Variants in GRID2 observed in about 807,000 individuals in gnomAD.
GRID2 encodes the protein glutamate ionotropic receptor delta type subunit 2, also known as glutamate receptor ionotropic, delta-2.
In GRID2, 33 loss-of-function variants were observed where a neutral mutation model predicts 114.8. The ratio of observed to expected loss-of-function variants is 0.29; its 90% CI spans 0.22 to 0.38. The LOEUF (loss-of-function observed/expected upper bound fraction) is 0.38. Among genes scored for constraint, GRID2 ranks in the 10% least tolerant of loss-of-function variants. GRID2 has a pLI of 1.00. For synonymous variants in GRID2, 505 were observed against 449.9 expected (o/e 1.12, Z -1.55); for missense variants, 1,184 against 1,257.7 (o/e 0.94, Z 0.89).
intron 2 of GRID2, among the ~76,000 whole-genome samples, chr4:92,729,294 C>A (rs1409039356): frequency 6.6e-6 from 1 of 152,016 alleles, no homozygotes; most frequent in East Asian, 1.9e-4. Context: ...GACATCTACT[C>A]CACTTGTGTC....
In GRID2 at chr4:92,982,902, A is replaced by T. The variant is rs182382324; in HGVS notation, c.245-102093A>T. ...CCGTTCTCATTAACCTTTAGAGGAT[A>T]CATAAATTATACTATATATCCTATT... On this transcript the variant is annotated intron_variant, in intron 2 of 15. Transcript: ENST00000282020. Among the ~76,000 whole-genome samples, 31 of 152,244 alleles carry T rather than the reference A, an allele frequency of 2.0e-4. 1 individual carries two copies. In the East Asian group the frequency reaches 4.3e-3, roughly 21 times the overall value.
chr4:93,031,004 C>A (rs1724368870), intron 2 of GRID2, among the ~76,000 whole-genome samples: 1 of 150,982 alleles, frequency 6.6e-6, no homozygotes, highest in Non-Finnish European at 1.5e-5. Flanking sequence ...AAATCCTGCA[C>A]CCAATTGCTT....
chr4:93,387,727 G>A (rs1442624551), intron 8 of GRID2, among the ~76,000 whole-genome samples: 1 of 151,764 alleles, frequency 6.6e-6, no homozygotes, highest in South Asian at 2.1e-4. Context: ...CTACTCGGCA[G>A]GCTGAGGCAA....
rs1578971942 is a variant in GRID2 at position 93,095,108 on chromosome 4, C to CT, written c.529+9830dup. Among the ~76,000 whole-genome samples, 3 of 151,950 alleles carry CT rather than the reference C, an allele frequency of 2.0e-5. No individual in the cohort carries two copies. In the East Asian group the frequency reaches 5.8e-4, roughly 29 times the overall value. On this transcript the variant is annotated intron_variant, in intron 3 of 15. Transcript: ENST00000282020. ...TTTTAGGAAATATTTTGATAAAACA[C>CT]TAGCAAGACCATTTTTAATTTTTTT...
At chr4:93,391,724 G>C (rs545741839) in intron 8 of GRID2, among the ~76,000 whole-genome samples, 1 of 152,182 alleles carries the variant, frequency 6.6e-6, no homozygotes, top group African/African-American at 2.4e-5. Context: ...ACAGCCCATG[G>C]CAAATAAGAA....
At chr4:92,385,279 ATGAC>A (rs1215463284) in intron 1 of GRID2, among the ~76,000 whole-genome samples, 4 of 151,838 alleles carry the variant, frequency 2.6e-5, no homozygotes, top group Non-Finnish European at 4.4e-5. Flanking sequence ...ACATGACTAT[ATGAC>A]TGAATTGATG....
chr4:92,985,284 C>A (rs988189310), intron 2 of GRID2, among the ~76,000 whole-genome samples: 2 of 149,194 alleles, frequency 1.3e-5, no homozygotes, highest in African/African-American at 5.0e-5. Context: ...ACTGCAGTGG[C>A]GCGATCTCAG....
chr4:92,694,802 CAG>C (rs1715004755), intron 2 of GRID2, among the ~76,000 whole-genome samples: 1 of 152,130 alleles, frequency 6.6e-6, no homozygotes, highest in Non-Finnish European at 1.5e-5. Flanking sequence ...TGAGGTTCCT[CAG>C]ATGTATTTCA....
intron 6 of GRID2, 60 bp from the exon 7 acceptor site, chr4:93,224,554 T>C: frequency 2.8e-6 from 3 of 1,085,560 alleles, no homozygotes; most frequent in Admixed American, 1.9e-5. Flanking sequence ...TTATTTTTTT[T>C]CCTTATTCCT....
At chr4:92,735,652 T>C (rs1040727503) in intron 2 of GRID2, among the ~76,000 whole-genome samples, 1 of 152,168 alleles carries the variant, frequency 6.6e-6, no homozygotes, top group African/African-American at 2.4e-5. Flanking sequence ...TTCCAGCTGA[T>C]GTAAGTGCTA....
chr4:92,308,722 T>C (rs1725544227), intron 1 of GRID2, among the ~76,000 whole-genome samples: 1 of 152,056 alleles, frequency 6.6e-6, no homozygotes, highest in African/African-American at 2.4e-5. Flanking sequence ...TCCCAGAAGA[T>C]GTGCTGTTCT....
intron 2 of GRID2, among the ~76,000 whole-genome samples, chr4:92,674,516 T>C (rs199620785): frequency 6.6e-6 from 1 of 152,108 alleles, no homozygotes; most frequent in East Asian, 1.9e-4. Flanking sequence ...CCCATTTGTT[T>C]ATTTATTATT....
intron 4 of GRID2, among the ~76,000 whole-genome samples, chr4:93,155,923 T>C (rs1238358551): frequency 6.6e-6 from 1 of 151,572 alleles, no homozygotes. Flanking sequence ...ACAGGGTGAA[T>C]ATGGCCAGCA....
chr4:93,328,344 C>T (rs1481344405), intron 8 of GRID2, among the ~76,000 whole-genome samples: 2 of 152,120 alleles, frequency 1.3e-5, no homozygotes, highest in Non-Finnish European at 2.9e-5. Flanking sequence ...TCTAGCTGCA[C>T]TGACATTATT....
At chr4:93,708,808 T>C (rs1728229975) in intron 14 of GRID2, among the ~76,000 whole-genome samples, 1 of 151,992 alleles carries the variant, frequency 6.6e-6, no homozygotes, top group African/African-American at 2.4e-5. Flanking sequence ...GAGGAAATGA[T>C]TTTTCTTTGA....
intron 11 of GRID2, among the ~76,000 whole-genome samples, chr4:93,485,452 T>C (rs1410567570): frequency 6.6e-6 from 1 of 151,812 alleles, no homozygotes. Flanking sequence ...AATCCTTTTC[T>C]ACCCAAACTT....
At chr4:93,454,152 T>G (rs1722969214) in intron 10 of GRID2, among the ~76,000 whole-genome samples, 1 of 152,034 alleles carries the variant, frequency 6.6e-6, no homozygotes, top group African/African-American at 2.4e-5. Context: ...TACCATTCAG[T>G]TAATAATTGT....
At chr4:92,966,674 T>C (rs1753178914) in intron 2 of GRID2, among the ~76,000 whole-genome samples, 1 of 151,936 alleles carries the variant, frequency 6.6e-6, no homozygotes, top group Non-Finnish European at 1.5e-5. Context: ...TGCCACTGTG[T>C]AAGACATGTC....
intron 14 of GRID2, among the ~76,000 whole-genome samples, chr4:93,737,180 T>TAAAA (rs1314595047): frequency 1.3e-5 from 2 of 152,114 alleles, no homozygotes; most frequent in Non-Finnish European, 2.9e-5. Context: ...CTTTCCTTTT[T>TAAAA]ATTGACAATA....
Sources: gnomAD v4.1 joint callset for allele counts (sites outside exome capture counted in the v4.1 genomes callset) on GRCh38, gnomAD v4.1.1 for gene constraint, MANE v1.5 for transcripts, NCBI Gene and HGNC (gene_info 2026-07-23, HGNC 2026-07-21) for gene names.